The following SRGAP3 variants were observed in gnomAD, a reference collection of about 807,000 sequenced individuals.
The protein encoded by SRGAP3 is SLIT-ROBO Rho GTPase activating protein 3.
In SRGAP3, 39 loss-of-function variants were observed where a neutral mutation model predicts 121.1. The observed-to-expected ratio is 0.32, with a 90% CI of 0.25 to 0.42. SRGAP3 has a LOEUF of 0.42. SRGAP3 is among the 10% of genes least tolerant of loss of function. SRGAP3 has a pLI of 1.00. For synonymous variants in SRGAP3, 601 were observed against 570.0 expected (o/e 1.05, Z -0.77); for missense variants, 1,213 against 1,470.6 (o/e 0.82, Z 2.86).
intron 18 of SRGAP3, among the ~76,000 whole-genome samples, chr3:8,994,994 A>G (rs1942303282): frequency 6.6e-6 from 1 of 152,208 alleles, no homozygotes; most frequent in East Asian, 1.9e-4. Context: ...CAGGATTTTA[A>G]GGGTACCCAG....
At chr3:9,142,393 C>T (rs1949884430) in intron 1 of SRGAP3, among the ~76,000 whole-genome samples, 1 of 152,212 alleles carries the variant, frequency 6.6e-6, no homozygotes, top group African/African-American at 2.4e-5. Context: ...TTTGTAGACA[C>T]ATCTCCCAAT....
intron 2 of SRGAP3, among the ~76,000 whole-genome samples, chr3:9,108,679 T>G (rs1391245815): frequency 6.6e-6 from 1 of 152,056 alleles, no homozygotes; most frequent in Non-Finnish European, 1.5e-5. Context: ...TCAGCAGAGG[T>G]AGGATATAAC....
chr3:9,178,264 C>T (rs1292387703), intron 1 of SRGAP3, among the ~76,000 whole-genome samples: 1 of 151,580 alleles, frequency 6.6e-6, no homozygotes, highest in Non-Finnish European at 1.5e-5. Flanking sequence ...CAGACCCTGT[C>T]TCAAAAAAAA....
intron 1 of SRGAP3, among the ~76,000 whole-genome samples, chr3:9,204,687 T>C (rs1368454210): frequency 2.0e-5 from 3 of 152,190 alleles, no homozygotes; most frequent in East Asian, 3.9e-4. Flanking sequence ...ATGCATGATT[T>C]TTCCCTAAAG....
At chr3:9,361,875 T>C (rs1242165696) in intron 1 of SRGAP3, among the ~76,000 whole-genome samples, 1 of 152,172 alleles carries the variant, frequency 6.6e-6, no homozygotes, top group Non-Finnish European at 1.5e-5. Flanking sequence ...CTGCTTCACC[T>C]TTTGAAGTCA....
At chr3:9,226,791 T>C (rs1031232488) in intron 1 of SRGAP3, among the ~76,000 whole-genome samples, 16 of 152,194 alleles carry the variant, frequency 1.1e-4, no homozygotes, top group Admixed American at 3.9e-4. Flanking sequence ...ATTTCTCAGA[T>C]TGTTTTCAGA....
At chr3:9,108,355 G>A (rs987619370) in intron 2 of SRGAP3, among the ~76,000 whole-genome samples, 6 of 152,222 alleles carry the variant, frequency 3.9e-5, no homozygotes, top group Admixed American at 1.3e-4. Context: ...GCAGTGGCTC[G>A]TGCCTGAGTC....
chr3:9,263,296 C>A (rs753892887), intron 3 of SRGAP3, among the ~76,000 whole-genome samples: 1 of 151,924 alleles, frequency 6.6e-6, no homozygotes, highest in Non-Finnish European at 1.5e-5. Flanking sequence ...CCTAACATCA[C>A]AATTAAAAGA....
rs1942144537 is a variant in SRGAP3 at position 8,992,916 on chromosome 3, C to A, written c.2548G>T (p.Val850Leu). The change falls in exon 20 of 22, where the codon GTG (valine) becomes TTG (leucine). Residue 850 changes from valine (V) to leucine (L), a missense_variant. Physicochemically the swap from Val to Leu is conservative, Grantham distance 32 (BLOSUM62 1). Transcript: ENST00000383836. ...ATCCGCATATCCTACCGGCCCATCA[C>A]CCCCCCAAAGCCGTAATCCGAGATG... The part of the protein sequence containing the change: ...EHISDYGFGG[V>L]MGRVRLRSDG... 1 of 1,613,910 alleles carries A rather than the reference C, an allele frequency of 6.2e-7. No homozygotes were observed. The highest frequency in any genetic ancestry group is 8.5e-7 in the Non-Finnish European group (1 of 1,179,838).
rs1480493114 is a variant in SRGAP3 at position 8,992,923 on chromosome 3, A to C, written c.2541T>G (p.Phe847Leu). The change falls in exon 20 of 22, where the codon TTT becomes TTG. Residue 847 changes from phenylalanine to leucine, a missense_variant. Phe to Leu is a conservative substitution (Grantham distance 22). This residue lies in a region of SRGAP3 where 420 missense variants were observed against 437.7 expected (regional missense o/e 0.96). Coordinates refer to ENST00000383836, the MANE Select transcript of SRGAP3 (RefSeq NM_014850.4). ...TATCCTACCGGCCCATCACCCCCCCAAAGCCGTAATCCGAGATGTGCTCCG... is the reference window on the plus strand; with the variant it reads ...TATCCTACCGGCCCATCACCCCCCCCAAGCCGTAATCCGAGATGTGCTCCG... ...SPTEHISDYG[F>L]GGVMGRVRLR... 6.8e-6 allele frequency: 11 copies of C among 1,613,970 alleles called. No individual in the cohort carries two copies. Among genetic ancestry groups the C allele is most frequent in the Non-Finnish European group, 9.3e-6 (11 of 1,180,040 alleles).
At chr3:9,224,159 C>T (rs898880214) in intron 1 of SRGAP3, among the ~76,000 whole-genome samples, 2 of 152,160 alleles carry the variant, frequency 1.3e-5, no homozygotes, top group African/African-American at 2.4e-5. Context: ...AGTCAGGTTT[C>T]GTCACCGAGT....
At chr3:9,236,587 CCT>C (rs780897204) in intron 1 of SRGAP3, among the ~76,000 whole-genome samples, 4 of 152,010 alleles carry the variant, frequency 2.6e-5, no homozygotes, top group East Asian at 3.9e-4. Context: ...CTTCCCCCCC[CCT>C]CTTCTTCCTA....
intron 3 of SRGAP3, among the ~76,000 whole-genome samples, chr3:9,271,349 TAA>T (rs1954473974): frequency 6.6e-6 from 1 of 152,056 alleles, no homozygotes; most frequent in Admixed American, 6.6e-5. Context: ...AATAAATAAA[TAA>T]AGTGTTGGCT....
rs373973799 is a variant in SRGAP3 at position 8,992,895 on chromosome 3, G to A, written c.2558+11C>T. Reference sequence around the variant, plus strand: ...ACACCAGCAGGGAAAAAATGAATCCGCATATCCTACCGGCCCATCACCCCC... The same window carrying A: ...ACACCAGCAGGGAAAAAATGAATCCACATATCCTACCGGCCCATCACCCCC... On this transcript the variant is annotated intron_variant, in intron 20 of 21. Coordinates refer to ENST00000383836, the MANE Select transcript of SRGAP3 (RefSeq NM_014850.4). The A allele has an allele frequency of 1.9e-5, 31 of 1,613,982 alleles. No homozygotes were observed. The highest frequency in any genetic ancestry group is 6.7e-5 in the East Asian group (3 of 44,874).
At chr3:9,024,082 A>G (rs894490606) in intron 14 of SRGAP3, among the ~76,000 whole-genome samples, 2 of 152,170 alleles carry the variant, frequency 1.3e-5, no homozygotes, top group Admixed American at 6.5e-5. Context: ...GAAGAATTCT[A>G]TGGGTGGAAA....
At chr3:9,041,646 C>A (rs963801630) in intron 10 of SRGAP3, among the ~76,000 whole-genome samples, 7 of 152,182 alleles carry the variant, frequency 4.6e-5, no homozygotes, top group Admixed American at 4.6e-4. Context: ...TCTCACTCAC[C>A]AACTACCAGC....
intron 1 of SRGAP3, among the ~76,000 whole-genome samples, chr3:9,203,901 T>C (rs1296365253): frequency 1.3e-5 from 2 of 152,300 alleles, no homozygotes; most frequent in Non-Finnish European, 2.9e-5. Context: ...CAGGAACCAT[T>C]TTCCCTGCCC....
chr3:9,060,034 G>A (rs1202741079), intron 6 of SRGAP3, 197 bp downstream of exon 6: 5 of 838,144 alleles, frequency 6.0e-6, no homozygotes, highest in Non-Finnish European at 9.3e-6. Flanking sequence ...TGTCCCACTC[G>A]TGAAAATAGA....
Position 9,075,245 on chromosome 3 carries a change from C to T in SRGAP3, c.486+4780G>A, listed in dbSNP as rs529359027. Among the ~76,000 whole-genome samples the T allele has an allele frequency of 5.3e-5, 8 of 152,034 alleles. No homozygotes were observed. The South Asian group carries it at 1.0e-3, about 20-fold the overall frequency. On this transcript the variant is annotated intron_variant, in intron 4 of 21. Coordinates refer to ENST00000383836, the MANE Select transcript of SRGAP3 (RefSeq NM_014850.4). The stretch of plus-strand genomic sequence containing the variant: ...ATATTGTGTTGGGCTGATGGGAGTT[C>T]GAGGGAAAAGAAGTGGAGTGGGATA...
Sources: gnomAD v4.1 joint callset for allele counts (sites outside exome capture counted in the v4.1 genomes callset) on GRCh38, gnomAD v4.1.1 for gene constraint, gnomAD v4.1.1 regional missense constraint, MANE v1.5 for transcripts, NCBI Gene and HGNC (gene_info 2026-07-23, HGNC 2026-07-21) for gene names.